NIPAL4: variants seen among roughly 807,000 people sequenced by gnomAD.
NIPAL4 encodes magnesium transporter NIPA4.
Under a neutral mutation model 31.6 loss-of-function variants are expected in NIPAL4, and 21 were observed. The observed-to-expected ratio is 0.67, with a 90% CI of 0.47 to 0.96. The LOEUF is 0.96. Among genes scored for constraint, NIPAL4 ranks in the 40% least tolerant of loss-of-function variants. The pLI, the probability that NIPAL4 is intolerant of heterozygous loss-of-function variation, is 0.00. For synonymous variants in NIPAL4, 175 were observed against 211.1 expected, an observed-to-expected ratio of 0.83 and a Z score of 1.48; for missense variants, 438 against 508.0, an observed-to-expected ratio of 0.86 and a Z score of 1.32.
intron 3 of NIPAL4, chr5:157,467,643 C>G (rs1212305595): frequency 1.2e-5 from 2 of 160,968 alleles, no homozygotes; most frequent in Non-Finnish European, 2.8e-5. Context: ...AAGTTTTGAT[C>G]CTCGTCTCAG....
At chr5:157,461,649 G>A (rs1754112740) in intron 1 of NIPAL4, among the ~76,000 whole-genome samples, 1 of 152,240 alleles carries the variant, frequency 6.6e-6, no homozygotes, top group Non-Finnish European at 1.5e-5. Flanking sequence ...AGTCTGATTA[G>A]GGACTGAGAT....
At chr5:157,466,765 A>G (rs908193587) in intron 2 of NIPAL4, among the ~76,000 whole-genome samples, 1 of 152,228 alleles carries the variant, frequency 6.6e-6, no homozygotes, top group Admixed American at 6.5e-5. Flanking sequence ...AGCTCCATTT[A>G]GGACAGAAAT....
At chr5:157,461,065 G>T (rs1754090748) in intron 1 of NIPAL4, among the ~76,000 whole-genome samples, 1 of 151,764 alleles carries the variant, frequency 6.6e-6, no homozygotes, top group South Asian at 2.1e-4. Flanking sequence ...CTCCTTCCTT[G>T]GTGTGGCTCC....
In NIPAL4 at chr5:157,474,086, A is replaced by G. The variant is rs1322904532; in HGVS notation, c.*1126A>G. The G allele has an allele frequency of 6.6e-6, 1 of 152,198 alleles. No homozygotes were observed. The highest frequency in any genetic ancestry group is 2.4e-5 in the African/African-American group (1 of 41,440). 9.4% of individuals were successfully genotyped at this position (152,198 alleles called of 1,614,324 possible). ...AAGGCTTGGACAGCTGTGAATCTCA[A>G]TGGCCAACTGGAGGTGCAGACTTGG... On this transcript the variant is annotated 3_prime_UTR_variant, in exon 6 of 6. Coordinates refer to ENST00000311946, the MANE Select transcript of NIPAL4 (RefSeq NM_001099287.2).
intron 2 of NIPAL4, 58 bp downstream of exon 2, chr5:157,463,391 C>A: frequency 6.5e-7 from 1 of 1,527,738 alleles, no homozygotes. Context: ...TCACAAGGTC[C>A]GGGGCTGTAG....
rs1442156355 is a variant in NIPAL4, at chr5:157,468,780, C to G, written c.393C>G (p.Val131=). The change falls in exon 4 of 6, where the codon GTC becomes GTG. Residue 131 remains valine (V), a synonymous_variant. Coordinates refer to ENST00000311946, the MANE Select transcript of NIPAL4 (RefSeq NM_001099287.2). ...ACGCATTTGCACCTGCAACAGTCGTCACGCCTCTGGGAGCGCTGAGTGTCC... is the reference window on the plus strand; with the variant it reads ...ACGCATTTGCACCTGCAACAGTCGTGACGCCTCTGGGAGCGCTGAGTGTCC... ...GAYAFAPATV[V]TPLGALSVLI... The G allele has an allele frequency of 3.7e-6, 6 of 1,610,558 alleles. No individual in the cohort carries two copies. The Admixed American group carries it at 1.0e-4, about 27-fold the overall frequency.
chr5:157,472,298 C>T, intron 5 of NIPAL4, 34 bp from the exon 6 acceptor site: 1 of 1,570,356 alleles, frequency 6.4e-7, no homozygotes, highest in South Asian at 1.2e-5. Flanking sequence ...GCACCCTCCA[C>T]AGCCAAGTGA....
intron 4 of NIPAL4, among the ~76,000 whole-genome samples, chr5:157,470,772 C>T (rs1451142560): frequency 2.6e-5 from 4 of 152,194 alleles, no homozygotes; most frequent in Non-Finnish European, 4.4e-5. Flanking sequence ...AGCAAACCTA[C>T]AATGGCCTCA....
intron 1 of NIPAL4, chr5:157,460,622 C>A: frequency 3.1e-6 from 2 of 636,342 alleles, no homozygotes; most frequent in Non-Finnish European, 5.8e-6. Flanking sequence ...GGGGGGCAGG[C>A]ATTTTGACGA....
intron 4 of NIPAL4, among the ~76,000 whole-genome samples, chr5:157,469,867 G>A (rs751261638): frequency 8.5e-5 from 13 of 152,162 alleles, no homozygotes; most frequent in Admixed American, 2.6e-4. Context: ...CCTGATTCAT[G>A]CTGTATAACT....
intron 2 of NIPAL4, among the ~76,000 whole-genome samples, chr5:157,464,504 G>A (rs1279069542): frequency 6.6e-6 from 1 of 152,154 alleles, no homozygotes; most frequent in Non-Finnish European, 1.5e-5. Context: ...TGAAAGGACA[G>A]AACTTGAGCC....
At position 157,472,388 on chromosome 5, in the gene NIPAL4, A is replaced by G; in HGVS notation, c.643A>G (p.Ile215Val). 6.2e-7 allele frequency: 1 copy of G among 1,611,852 alleles called. No individual in the cohort carries two copies. The highest frequency in any genetic ancestry group is 8.5e-7 in the Non-Finnish European group (1 of 1,179,084). ...GTCATGCCTCATCCTCATCTTTGTC[A>G]TTGCCCCACGTTACGGGCAAAGGAA... The part of the protein sequence containing the change: ...LVSCLILIFV[I>V]APRYGQRNIL... Residue 215 changes from isoleucine (I) to valine (V), a missense_variant, in exon 6 of 6, where the codon ATT becomes GTT. Ile to Val is a conservative substitution (Grantham distance 29). Coordinates refer to ENST00000311946, the MANE Select transcript of NIPAL4 (RefSeq NM_001099287.2).
rs1264472292 is a variant in NIPAL4, at chr5:157,473,935, T to C, written c.*975T>C. On this transcript the variant is annotated 3_prime_UTR_variant, in exon 6 of 6. Transcript: ENST00000311946. ...GTGGGAAGAGGATGAGGAGCAAAGTTGGGATTTGGCAGAAGGCAGTCCCAG... is the reference window on the plus strand; with the variant it reads ...GTGGGAAGAGGATGAGGAGCAAAGTCGGGATTTGGCAGAAGGCAGTCCCAG... 6.6e-6 allele frequency: 1 copy of C among 152,202 alleles called. No homozygotes were observed. The highest frequency in any genetic ancestry group is 1.5e-5 in the Non-Finnish European group (1 of 68,080). The allele number at this position is 152,202 out of a possible 1,614,324, so 9.4% of individuals were successfully genotyped here. A position where few individuals can be genotyped will look rare whatever the true frequency, so the allele number is the denominator to read the frequency against.
At chr5:157,460,417 C>T (rs948233933) in intron 1 of NIPAL4, 60 bp downstream of exon 1, 1 of 1,450,348 alleles carries the variant, frequency 6.9e-7, no homozygotes, top group African/African-American at 1.4e-5. Flanking sequence ...CCCCTCCTTG[C>T]CACCGCTCTC....
In NIPAL4 at chr5:157,471,732, CGGAA is replaced by C. The variant is rs1561831430; in HGVS notation, c.503_506del (p.Gly168AlafsTer3). On this transcript the variant is annotated frameshift_variant, in exon 5 of 6. Coordinates refer to ENST00000311946, the MANE Select transcript of NIPAL4 (RefSeq NM_001099287.2). LOFTEE classifies it high-confidence loss of function. ...AGCTGGGCTGTGTGATCTGTGTGGCCGGAAGCACAGTGATGGTGATACATGCTCC... is the reference window on the plus strand; with the variant it reads ...AGCTGGGCTGTGTGATCTGTGTGGCCGCACAGTGATGGTGATACATGCTCC... 6.2e-7 allele frequency: 1 copy of C among 1,606,998 alleles called. No individual in the cohort carries two copies. The highest frequency in any genetic ancestry group is 1.7e-5 in the Admixed American group (1 of 59,038).
chr5:157,472,964 T>C lies in NIPAL4; in HGVS notation c.*4T>C. 6.6e-7 allele frequency: 1 copy of C among 1,509,228 alleles called. No homozygotes were observed. The highest frequency in any genetic ancestry group is 8.8e-7 in the Non-Finnish European group (1 of 1,131,862). 93.5% of individuals were successfully genotyped at this position (1,509,228 alleles called of 1,614,324 possible). A position where few individuals can be genotyped will look rare whatever the true frequency, so the allele number is the denominator to read the frequency against. On this transcript the variant is annotated 3_prime_UTR_variant, in exon 6 of 6. Coordinates refer to ENST00000311946, the MANE Select transcript of NIPAL4 (RefSeq NM_001099287.2). ...AGTATTTATAATCCATTCCTGAAGC[T>C]TGGAATATGTGAGTGAGAGGATGAG...
chr5:157,471,768 A>C lies in NIPAL4; in HGVS notation c.537A>C (p.Glu179Asp), dbSNP rs1395900992. 4 of 1,601,304 alleles carry C rather than the reference A, an allele frequency of 2.5e-6. No homozygotes were observed. The Admixed American group carries it at 6.9e-5, about 28-fold the overall frequency. Residue 179 changes from glutamate to aspartate, a missense_variant, in exon 5 of 6, where the codon GAA becomes GAC. Physicochemically the swap from Glu to Asp is conservative, Grantham distance 45. Coordinates refer to ENST00000311946, the MANE Select transcript of NIPAL4 (RefSeq NM_001099287.2). ...TGATGGTGATACATGCTCCTGAGGAAGAGAAGGTCACTACCATCATGGAGA... is the reference window on the plus strand; with the variant it reads ...TGATGGTGATACATGCTCCTGAGGACGAGAAGGTCACTACCATCATGGAGA... ...STVMVIHAPE[E>D]EKVTTIMEMA...
At chr5:157,460,744 G>T (rs1202410592) in intron 1 of NIPAL4, among the ~76,000 whole-genome samples, 1 of 152,106 alleles carries the variant, frequency 6.6e-6, no homozygotes, top group Non-Finnish European at 1.5e-5. Context: ...CTGGGTCAAT[G>T]GGAGGACCAT....
intron 4 of NIPAL4, among the ~76,000 whole-genome samples, chr5:157,470,637 G>A (rs562403926): frequency 1.3e-5 from 2 of 152,326 alleles, no homozygotes; most frequent in East Asian, 3.9e-4. Flanking sequence ...ACCTGTGATT[G>A]TCACTGAGGT....
Sources: gnomAD v4.1 joint callset for allele counts (sites outside exome capture counted in the v4.1 genomes callset) on GRCh38, gnomAD v4.1.1 for gene constraint, MANE v1.5 for transcripts, NCBI Gene and HGNC (gene_info 2026-07-23, HGNC 2026-07-21) for gene names.